The following RAP1A variants were observed in gnomAD, a reference collection of about 807,000 sequenced individuals.
The protein encoded by RAP1A is ras-related protein Rap-1A.
RAP1A carries 6 observed loss-of-function variants against 26.4 expected under a neutral mutation model. The ratio of observed to expected loss-of-function variants is 0.23; its 90% CI spans 0.12 to 0.45. RAP1A has a LOEUF of 0.45. Ranked by LOEUF, RAP1A falls within the 20% of genes least tolerant of loss-of-function variation. RAP1A has a pLI of 0.99. For synonymous variants in RAP1A, 73 were observed against 79.4 expected, an observed-to-expected ratio of 0.92 and a Z score of 0.43; for missense variants, 121 against 217.2, an observed-to-expected ratio of 0.56 and a Z score of 2.78.
intron 1 of RAP1A, among the ~76,000 whole-genome samples, chr1:111,659,309 CAA>C (rs896644197): frequency 1.4e-4 from 22 of 152,102 alleles, no homozygotes; most frequent in African/African-American, 5.3e-4. Flanking sequence ...ACAATTCTAA[CAA>C]TATACTTTAT....
intron 1 of RAP1A, among the ~76,000 whole-genome samples, chr1:111,655,827 C>G (rs916506562): frequency 6.6e-6 from 1 of 151,882 alleles, no homozygotes; most frequent in East Asian, 1.9e-4. Flanking sequence ...GCGCCCACCA[C>G]CACGCCTGGC....
intron 1 of RAP1A, among the ~76,000 whole-genome samples, chr1:111,613,887 A>G (rs1251721784): frequency 6.6e-6 from 1 of 152,246 alleles, no homozygotes; most frequent in Non-Finnish European, 1.5e-5. Context: ...AGTTAATTCA[A>G]GTATACAAAT....
At chr1:111,574,821 T>C (rs1430009432) in intron 1 of RAP1A, among the ~76,000 whole-genome samples, 1 of 152,232 alleles carries the variant, frequency 6.6e-6, no homozygotes, top group East Asian at 1.9e-4. Context: ...GGGGCTGGTT[T>C]TGTTTGGAAG....
At chr1:111,566,730 A>T (rs1657925652) in intron 1 of RAP1A, among the ~76,000 whole-genome samples, 1 of 151,990 alleles carries the variant, frequency 6.6e-6, no homozygotes, top group Middle Eastern at 3.2e-3. Context: ...AGGAAAGGAG[A>T]AATGTACTTG....
chr1:111,712,230 A>G (rs1407469223), intron 7 of RAP1A, among the ~76,000 whole-genome samples: 1 of 152,118 alleles, frequency 6.6e-6, no homozygotes, highest in Non-Finnish European at 1.5e-5. Flanking sequence ...GTAAACTTCT[A>G]TTTTTGATTT....
At chr1:111,590,634 AGGTT>A (rs1213685707) in intron 1 of RAP1A, among the ~76,000 whole-genome samples, 1 of 150,574 alleles carries the variant, frequency 6.6e-6, no homozygotes, top group African/African-American at 2.4e-5. Flanking sequence ...TTTGTTGCCC[AGGTT>A]GGTCTTGAAC....
chr1:111,596,992 G>A (rs1022072412), intron 1 of RAP1A, among the ~76,000 whole-genome samples: 11 of 152,128 alleles, frequency 7.2e-5, no homozygotes, highest in African/African-American at 2.7e-4. Context: ...ATATTATCCG[G>A]GCGAAAGGTG....
chr1:111,582,433 A>G (rs1557857431), intron 1 of RAP1A, among the ~76,000 whole-genome samples: 1 of 152,128 alleles, frequency 6.6e-6, no homozygotes, highest in Non-Finnish European at 1.5e-5. Flanking sequence ...GCCCAGTACT[A>G]TATTTTTCAT....
intron 2 of RAP1A, among the ~76,000 whole-genome samples, chr1:111,694,699 A>T (rs965193119): frequency 9.9e-5 from 15 of 152,240 alleles, no homozygotes; most frequent in Non-Finnish European, 2.1e-4. Context: ...TTTCTGGGAC[A>T]AATGTGAAAT....
chr1:111,622,592 T>G (rs1659255026), intron 1 of RAP1A, among the ~76,000 whole-genome samples: 1 of 152,238 alleles, frequency 6.6e-6, no homozygotes, highest in South Asian at 2.1e-4. Flanking sequence ...GTTATACTGA[T>G]TTTGACAGCC....
chr1:111,650,803 C>CT (rs1319490264), intron 1 of RAP1A, among the ~76,000 whole-genome samples: 33 of 148,684 alleles, frequency 2.2e-4, no homozygotes, highest in East Asian at 3.9e-4. Flanking sequence ...TAGTTTCTTT[C>CT]TTTTTTTTTT....
Position 111,713,231 on chromosome 1 carries a change from TTAAAC to T in RAP1A, c.*833_*837del, listed in dbSNP as rs1471179001. On this transcript the variant is annotated 3_prime_UTR_variant, in exon 8 of 8. Transcript: ENST00000369709. ...GCCTAGTATCTGCAGAACACTGGCT[TTAAAC>T]TATACTAAGTAACTGGTGATTTCTC... The T allele has an allele frequency of 2.6e-5, 4 of 152,328 alleles. No individual in the cohort carries two copies. Among genetic ancestry groups the T allele is most frequent in the Admixed American group, 2.6e-4 (4 of 15,274 alleles). The allele number at this position is 152,328 out of a possible 1,614,324, so 9.4% of individuals were successfully genotyped here.
chr1:111,653,533 G>A (rs954685001), intron 1 of RAP1A, among the ~76,000 whole-genome samples: 1 of 151,654 alleles, frequency 6.6e-6, no homozygotes, highest in Non-Finnish European at 1.5e-5. Flanking sequence ...AAATACAAAA[G>A]ATTAGCTGGG....
At chr1:111,595,807 T>C (rs1658554795) in intron 1 of RAP1A, among the ~76,000 whole-genome samples, 1 of 152,184 alleles carries the variant, frequency 6.6e-6, no homozygotes, top group Admixed American at 6.5e-5. Context: ...TAAATGCTGT[T>C]TTTTTTCAAG....
chr1:111,554,902 C>T (rs1657417700), intron 1 of RAP1A, among the ~76,000 whole-genome samples: 1 of 151,902 alleles, frequency 6.6e-6, no homozygotes. Flanking sequence ...CACAAGGAAA[C>T]AAAATTCCCT....
chr1:111,669,770 C>T (rs1228740443), intron 1 of RAP1A, among the ~76,000 whole-genome samples: 2 of 152,102 alleles, frequency 1.3e-5, no homozygotes, highest in African/African-American at 4.8e-5. Flanking sequence ...ATTAGAATTT[C>T]CAAAACTGCA....
intron 1 of RAP1A, among the ~76,000 whole-genome samples, chr1:111,643,307 A>C (rs6680226): frequency 0.13 from 19,118 of 152,196 alleles, 1,749 homozygotes; most frequent in African/African-American, 0.27. Flanking sequence ...CCTGTGGTTC[A>C]TAGTGTGCTG....
At chr1:111,597,305 C>T (rs1474922900) in intron 1 of RAP1A, among the ~76,000 whole-genome samples, 1 of 152,156 alleles carries the variant, frequency 6.6e-6, no homozygotes, top group Non-Finnish European at 1.5e-5. Flanking sequence ...AAGACAATCC[C>T]TACTACACAG....
intron 1 of RAP1A, among the ~76,000 whole-genome samples, chr1:111,568,075 G>A (rs1281270936): frequency 2.0e-5 from 3 of 152,304 alleles, no homozygotes; most frequent in Admixed American, 2.0e-4. Flanking sequence ...CAAGAATGAT[G>A]TTTAGTGTCC....
Sources: allele counts gnomAD v4.1 joint callset (sites outside exome capture counted in the v4.1 genomes callset), GRCh38; gene constraint gnomAD v4.1.1; transcripts MANE v1.5; gene names NCBI Gene and HGNC (gene_info 2026-07-23, HGNC 2026-07-21).